Variants in NCOA1 observed in about 807,000 individuals in gnomAD.
The protein encoded by NCOA1 is nuclear receptor coactivator 1.
In NCOA1, 35 loss-of-function variants were observed where a neutral mutation model predicts 150.9. The ratio of observed to expected loss-of-function variants is 0.23; its 90% CI spans 0.18 to 0.31. NCOA1 has a LOEUF of 0.31. Among genes scored for constraint, NCOA1 ranks in the 10% least tolerant of loss-of-function variants. The pLI is 1.00. For synonymous variants in NCOA1, 590 were observed against 630.0 expected (o/e 0.94, Z 0.95); for missense variants, 1,491 against 1,749.3 (o/e 0.85, Z 2.63).
intron 1 of NCOA1, among the ~76,000 whole-genome samples, chr2:24,544,694 G>C (rs1457844023): frequency 1.3e-5 from 2 of 152,176 alleles, no homozygotes; most frequent in Non-Finnish European, 2.9e-5. Flanking sequence ...AGCCATGATT[G>C]TGCTGCTGCA....
In NCOA1 at chr2:24,743,528, C is replaced by T. The variant is rs115297889; in HGVS notation, c.3706+1342C>T. The stretch of plus-strand genomic sequence containing the variant: ...ATATCAGTGACACTATCTGTGTGGG[C>T]GAGAAAAGGATTATAAATCCATATT... On this transcript the variant is annotated intron_variant, in intron 19 of 22. Coordinates refer to ENST00000348332, the MANE Select transcript of NCOA1 (RefSeq NM_003743.5). 9.5e-3 allele frequency among the ~76,000 whole-genome samples: 1,446 copies of T among 152,170 alleles called. 20 individuals are homozygous for T. The highest frequency in any genetic ancestry group is 0.033 in the African/African-American group (1,373 of 41,496).
At chr2:24,522,909 G>T (rs1339010845) in intron 1 of NCOA1, among the ~76,000 whole-genome samples, 1 of 152,096 alleles carries the variant, frequency 6.6e-6, no homozygotes, top group South Asian at 2.1e-4. Context: ...GAGAAGGGAG[G>T]ATTGAGTATT....
chr2:24,608,886 T>C (rs1408971145), intron 3 of NCOA1, among the ~76,000 whole-genome samples: 2 of 152,088 alleles, frequency 1.3e-5, no homozygotes, highest in African/African-American at 2.4e-5. Context: ...TTCTCTCTGT[T>C]GGGGTTTGTC....
At chr2:24,677,160 A>G (rs1284333398) in intron 7 of NCOA1, among the ~76,000 whole-genome samples, 1 of 152,072 alleles carries the variant, frequency 6.6e-6, no homozygotes, top group Non-Finnish European at 1.5e-5. Flanking sequence ...CCTGGCCAAC[A>G]TGGTGAAACC....
intron 17 of NCOA1, among the ~76,000 whole-genome samples, chr2:24,732,233 G>GT (rs1463568343): frequency 6.6e-6 from 1 of 152,226 alleles, no homozygotes; most frequent in African/African-American, 2.4e-5. Flanking sequence ...ATAAGTGAAA[G>GT]TTGCTGCTCT....
At chr2:24,645,200 C>T (rs1252577973) in intron 4 of NCOA1, among the ~76,000 whole-genome samples, 2 of 151,878 alleles carry the variant, frequency 1.3e-5, no homozygotes, top group African/African-American at 2.4e-5. Context: ...TTTAAAATTG[C>T]ATCAGTTTTG....
At position 24,706,242 on chromosome 2, in the gene NCOA1, A is replaced by G. The variant is rs561939037; in HGVS notation, c.1098-326A>G. ...GTATATTAGGCTTAGAAATTGTTTAAAAGAACATATATTGGATTTTTTCCA... is the reference window on the plus strand; with the variant it reads ...GTATATTAGGCTTAGAAATTGTTTAGAAGAACATATATTGGATTTTTTCCA... On this transcript the variant is annotated intron_variant, in intron 12 of 22. Coordinates refer to ENST00000348332, the MANE Select transcript of NCOA1 (RefSeq NM_003743.5). 2.0e-4 allele frequency among the ~76,000 whole-genome samples: 30 copies of G among 152,234 alleles called. 1 individual carries two copies. The South Asian group carries it at 6.2e-3, about 32-fold the overall frequency.
chr2:24,734,347 A>G (rs918512601), intron 17 of NCOA1, among the ~76,000 whole-genome samples: 1 of 152,200 alleles, frequency 6.6e-6, no homozygotes, highest in Non-Finnish European at 1.5e-5. Flanking sequence ...TCCAAATTCA[A>G]TCAGTAAATT....
chr2:24,705,508 C>G (rs769708518), intron 12 of NCOA1, among the ~76,000 whole-genome samples: 3 of 152,054 alleles, frequency 2.0e-5, no homozygotes, highest in Non-Finnish European at 4.4e-5. Context: ...TTACAACATT[C>G]CATATGTGAA....
intron 17 of NCOA1, among the ~76,000 whole-genome samples, chr2:24,736,235 A>T (rs1424753641): frequency 6.7e-6 from 1 of 150,140 alleles, no homozygotes; most frequent in South Asian, 2.1e-4. Flanking sequence ...AAAAAAAAAA[A>T]AAGAAAAAGA....
At chr2:24,665,726 A>G in intron 5 of NCOA1, 23 bp from the exon 6 acceptor site, 1 of 1,481,494 alleles carries the variant, frequency 6.7e-7, no homozygotes, top group Non-Finnish European at 9.0e-7. Flanking sequence ...ATGTACACTA[A>G]CTGGATTTTC....
intron 3 of NCOA1, among the ~76,000 whole-genome samples, chr2:24,602,957 T>C (rs1235383702): frequency 6.6e-6 from 1 of 152,210 alleles, no homozygotes; most frequent in Non-Finnish European, 1.5e-5. Flanking sequence ...TTTTACTGCG[T>C]ATGTATCTAT....
intron 3 of NCOA1, among the ~76,000 whole-genome samples, chr2:24,605,419 T>C (rs1420804091): frequency 3.3e-5 from 5 of 152,242 alleles, no homozygotes; most frequent in Non-Finnish European, 7.3e-5. Flanking sequence ...GATTTATTTA[T>C]GTTGCTCTGT....
At chr2:24,720,072 AAG>A (rs1376597769) in intron 14 of NCOA1, among the ~76,000 whole-genome samples, 2 of 152,208 alleles carry the variant, frequency 1.3e-5, no homozygotes, top group Non-Finnish European at 2.9e-5. Flanking sequence ...GGATGGTAGT[AAG>A]AGAGGTACAT....
chr2:24,563,978 C>T (rs937025915), intron 1 of NCOA1, among the ~76,000 whole-genome samples: 2 of 152,168 alleles, frequency 1.3e-5, no homozygotes. Flanking sequence ...GCTACTGCTG[C>T]TGGGGTGACT....
intron 17 of NCOA1, 99 bp downstream of exon 17, chr2:24,729,914 C>G: frequency 7.8e-7 from 1 of 1,284,748 alleles, no homozygotes; most frequent in South Asian, 1.5e-5. Flanking sequence ...AGTGCTATCT[C>G]AGCCCACTGC....
At chr2:24,608,053 G>A (rs193165237) in intron 3 of NCOA1, among the ~76,000 whole-genome samples, 132 of 151,966 alleles carry the variant, frequency 8.7e-4, no homozygotes, top group Non-Finnish European at 1.5e-3. Context: ...GTACTTTTAA[G>A]CAAAACTAAC....
At chr2:24,515,643 T>A (rs554897632) in intron 1 of NCOA1, among the ~76,000 whole-genome samples, 1 of 152,344 alleles carries the variant, frequency 6.6e-6, no homozygotes, top group South Asian at 2.1e-4. Context: ...TCTTGCTTGC[T>A]TATTTGCATT....
chr2:24,666,080 C>T (rs1187013622), intron 6 of NCOA1, among the ~76,000 whole-genome samples, 165 bp downstream of exon 6: 2 of 151,624 alleles, frequency 1.3e-5, no homozygotes, highest in African/African-American at 2.4e-5. Flanking sequence ...GGTGCGATCT[C>T]GGCTCACTGC....
Sources: gnomAD v4.1 joint callset for allele counts (sites outside exome capture counted in the v4.1 genomes callset) on GRCh38, gnomAD v4.1.1 for gene constraint, MANE v1.5 for transcripts, NCBI Gene and HGNC (gene_info 2026-07-23, HGNC 2026-07-21) for gene names.